Variants in PHKG1 observed in about 807,000 individuals in gnomAD.
The protein encoded by PHKG1 is phosphorylase kinase catalytic subunit gamma 1.
PHKG1 carries 48 observed loss-of-function variants against 50.5 expected under a neutral mutation model. The ratio of observed to expected loss-of-function variants is 0.95; its 90% confidence interval spans 0.75 to 1.21. The LOEUF is 1.21. PHKG1 is among the 50% of genes most tolerant of loss of function. The pLI, the probability that PHKG1 is intolerant of heterozygous loss-of-function variation, is 0.00. For synonymous variants in PHKG1, 204 were observed against 212.8 expected (o/e 0.96, Z 0.36); for missense variants, 487 against 519.5 (o/e 0.94, Z 0.61).
chr7:56,087,592 A>G lies in PHKG1; in HGVS notation c.262+6T>C. 1.2e-6 allele frequency: 2 copies of G among 1,611,216 alleles called. No homozygotes were observed. The highest frequency in any genetic ancestry group is 2.7e-5 in the African/African-American group (2 of 74,964). On this transcript the variant is annotated splice_donor_region_variant and intron_variant, in intron 3 of 9. Coordinates refer to ENST00000297373, the MANE Select transcript of PHKG1 (RefSeq NM_006213.5). ...CCCTGCCGTGTGGCTTGGGGCCATC[A>G]CTCACTGATGTTGGGGTGCCCTGAG...
chr7:56,083,109 A>G (rs1035342734), intron 6 of PHKG1, 169 bp downstream of exon 6: 1 of 602,308 alleles, frequency 1.7e-6, no homozygotes, highest in South Asian at 2.3e-5. Flanking sequence ...CCATCTCAAA[A>G]AAAAAAAAAA....
chr7:56,084,212 T>C (rs1292089512), intron 4 of PHKG1: 6 of 1,534,134 alleles, frequency 3.9e-6, no homozygotes, highest in Non-Finnish European at 5.2e-6. Flanking sequence ...GCACCATTTC[T>C]GTTCCATCTC....
chr7:56,083,430 C>G lies in PHKG1; in HGVS notation c.395G>C (p.Arg132Pro), dbSNP rs746327103. The change falls in exon 6 of 10, where the codon CGA becomes CCA. Residue 132 changes from arginine to proline, a missense_variant. By Grantham distance (103) the Arg-to-Pro change is moderately radical. Transcript: ENST00000297373. ...GGTGCAGATCACCTCCAGCAGAGCT[C>G]GCATGATCTTTCTAGGGTGGGGCAC... ...LSEKETRKIM[R>P]ALLEVICTLH... 1.2e-6 allele frequency: 2 copies of G among 1,614,036 alleles called. No homozygotes were observed. The highest frequency in any genetic ancestry group is 8.5e-7 in the Non-Finnish European group (1 of 1,180,038).
Position 56,080,899 on chromosome 7 carries a change from C to G in PHKG1, c.*155G>C. The G allele has an allele frequency of 1.2e-6, 1 of 848,016 alleles. No individual in the cohort carries two copies. The highest frequency in any genetic ancestry group is 1.8e-6 in the Non-Finnish European group (1 of 556,830). The allele number at this position is 848,016 out of a possible 1,614,324, so 52.5% of individuals were successfully genotyped here. Reference sequence around the variant, plus strand: ...AACACCCACTTCCCTTGTGCACAGCCTTTGAGAGGGGATCGTGGCCTCAGT... The same window carrying G: ...AACACCCACTTCCCTTGTGCACAGCGTTTGAGAGGGGATCGTGGCCTCAGT... On this transcript the variant is annotated 3_prime_UTR_variant, in exon 10 of 10. Transcript: ENST00000297373.
Position 56,081,403 on chromosome 7 carries a change from G to A in PHKG1, c.919-104C>T. ...GCTCGTTTGCCACGAAGCCTTGGGT[G>A]GCTTCTGCGGGGCCTTCCTAGTGTC... On this transcript the variant is annotated intron_variant, in intron 9 of 9. Coordinates refer to ENST00000297373, the MANE Select transcript of PHKG1 (RefSeq NM_006213.5). This position sits in a 1 kb window ranked among gnomAD's most constrained non-coding sequence, Gnocchi z 4.6. The A allele has an allele frequency of 7.1e-7, 1 of 1,417,702 alleles. No individual in the cohort carries two copies. The highest frequency in any genetic ancestry group is 1.4e-5 in the African/African-American group (1 of 70,314). The allele number at this position is 1,417,702 out of a possible 1,614,324, so 87.8% of individuals were successfully genotyped here.
Position 56,080,718 on chromosome 7 carries a change from C to T in PHKG1, c.*336G>A. The T allele has an allele frequency of 2.9e-6, 1 of 344,656 alleles. No individual in the cohort carries two copies. The highest frequency in any genetic ancestry group is 5.5e-6 in the Non-Finnish European group (1 of 183,452). 21.3% of individuals were successfully genotyped at this position (344,656 alleles called of 1,614,324 possible). On this transcript the variant is annotated 3_prime_UTR_variant, in exon 10 of 10. Transcript: ENST00000297373. ...ACCCTGTGACCCTAAGGGAAGAAAG[C>T]CTGAGTGTCAGTAACTCTGGGCCTC...
chr7:56,089,744 G>C (rs945723356), intron 1 of PHKG1, among the ~76,000 whole-genome samples: 2 of 151,970 alleles, frequency 1.3e-5, no homozygotes, highest in Non-Finnish European at 2.9e-5. Context: ...GGCTGGTCTC[G>C]AACTCCTGAC....
At chr7:56,082,591 C>G (rs761210890) in intron 6 of PHKG1, among the ~76,000 whole-genome samples, 7 of 146,392 alleles carry the variant, frequency 4.8e-5, no homozygotes, top group Non-Finnish European at 1.1e-4. Flanking sequence ...GACTCTGTTT[C>G]AAAAAAAAAA....
chr7:56,084,002 G>A (rs1029429336), intron 4 of PHKG1: 10 of 616,272 alleles, frequency 1.6e-5, no homozygotes, highest in Non-Finnish European at 2.8e-5. Context: ...TTTTCCCCTG[G>A]AAAAATTTTT....
At chr7:56,089,326 G>C (rs1282897753) in intron 1 of PHKG1, among the ~76,000 whole-genome samples, 1 of 150,880 alleles carries the variant, frequency 6.6e-6, no homozygotes, top group Non-Finnish European at 1.5e-5. Flanking sequence ...CTTGAACCCA[G>C]GAGGCAGAGG....
At chr7:56,085,072 T>C (rs1796196426) in intron 4 of PHKG1, among the ~76,000 whole-genome samples, 1 of 152,104 alleles carries the variant, frequency 6.6e-6, no homozygotes, top group African/African-American at 2.4e-5. Context: ...GCCATTCTTG[T>C]GCCTCATCCT....
intron 2 of PHKG1, among the ~76,000 whole-genome samples, chr7:56,088,045 T>C (rs1356171351): frequency 6.8e-6 from 1 of 147,156 alleles, no homozygotes; most frequent in Admixed American, 6.8e-5. Context: ...TTTTTTTTTT[T>C]TTTTTTTTGA....
At chr7:56,087,521 C>T (rs1271575400) in intron 3 of PHKG1, 77 bp downstream of exon 3, 6 of 1,437,578 alleles carry the variant, frequency 4.2e-6, no homozygotes, top group African/African-American at 2.8e-5. Flanking sequence ...TGCGGTGGGG[C>T]CACACTCCCT....
chr7:56,081,442 T>A lies in PHKG1; in HGVS notation c.919-143A>T. ...CTTCCTAGTGTCCCCCACTTCCCAC[T>A]TGGCCAGCATCCTCAGGGACCGAGC... On this transcript the variant is annotated intron_variant, in intron 9 of 9. Coordinates refer to ENST00000297373, the MANE Select transcript of PHKG1 (RefSeq NM_006213.5). This position sits in a 1 kb window ranked among gnomAD's most constrained non-coding sequence, Gnocchi z 4.6. The A allele has an allele frequency of 7.7e-7, 1 of 1,290,852 alleles. No homozygotes were observed. Among genetic ancestry groups the A allele is most frequent in the East Asian group, 2.4e-5 (1 of 41,398 alleles). 80.0% of individuals were successfully genotyped at this position (1,290,852 alleles called of 1,614,324 possible).
At chr7:56,085,181 G>A (rs990990923) in intron 4 of PHKG1, among the ~76,000 whole-genome samples, 1 of 151,746 alleles carries the variant, frequency 6.6e-6, no homozygotes, top group African/African-American at 2.4e-5. Flanking sequence ...GGCTGGTCTC[G>A]AACTCCCGGC....
intron 2 of PHKG1, 144 bp from the exon 3 acceptor site, chr7:56,087,920 T>A (rs1291064354): frequency 1.5e-6 from 1 of 645,576 alleles, no homozygotes; most frequent in Non-Finnish European, 2.7e-6. Flanking sequence ...AAATGGTGGA[T>A]GAATAAATAC....
intron 1 of PHKG1, among the ~76,000 whole-genome samples, chr7:56,092,010 C>T (rs935602796): frequency 6.6e-6 from 1 of 152,260 alleles, no homozygotes; most frequent in African/African-American, 2.4e-5. Context: ...CTAGCTCTCT[C>T]CTCTCCCCCA....
intron 6 of PHKG1, 48 bp downstream of exon 6, chr7:56,083,230 G>A: frequency 6.3e-7 from 1 of 1,576,944 alleles, no homozygotes; most frequent in South Asian, 1.1e-5. Context: ...GCAGATGGTT[G>A]ATTGAGCACC....
intron 4 of PHKG1, among the ~76,000 whole-genome samples, chr7:56,084,845 T>C (rs1796188372): frequency 6.6e-6 from 1 of 152,202 alleles, no homozygotes; most frequent in South Asian, 2.1e-4. Flanking sequence ...GGAGGGCTCC[T>C]CAGGGCAGCA....
Sources: gnomAD v4.1 joint callset for allele counts (sites outside exome capture counted in the v4.1 genomes callset) on GRCh38, gnomAD v4.1.1 for gene constraint, Gnocchi (gnomAD v3.1) non-coding constraint, MANE v1.5 for transcripts, NCBI Gene and HGNC (gene_info 2026-07-23, HGNC 2026-07-21) for gene names.